The following MRC1 variants were observed in gnomAD, a reference collection of about 807,000 sequenced individuals.
MRC1 encodes macrophage mannose receptor 1.
Under a neutral mutation model 102.9 loss-of-function variants are expected in MRC1, and 62 were observed. The observed-to-expected ratio is 0.60, with a 90% confidence interval of 0.49 to 0.74. The LOEUF is 0.74. Among genes scored for constraint, MRC1 ranks in the 30% least tolerant of loss-of-function variants. The probability of loss-of-function intolerance (pLI) is 0.00; values close to 1 mark genes in which losing one functional copy is unlikely to be tolerated. For synonymous variants in MRC1, 457 were observed against 298.4 expected, an observed-to-expected ratio of 1.53 and a Z score of -5.48; for missense variants, 1,237 against 862.8, an observed-to-expected ratio of 1.43 and a Z score of -5.43.
At chr10:17,836,947 T>G (rs1010936985) in intron 4 of MRC1, among the ~76,000 whole-genome samples, 5 of 152,116 alleles carry the variant, frequency 3.3e-5, no homozygotes, top group African/African-American at 9.7e-5. Flanking sequence ...TTTGAATTTA[T>G]TTGTGGGGTG....
At chr10:17,872,964 T>A (rs1833375505) in intron 15 of MRC1, among the ~76,000 whole-genome samples, 1 of 152,212 alleles carries the variant, frequency 6.6e-6, no homozygotes, top group African/African-American at 2.4e-5. Context: ...TTATTTTCCA[T>A]CCTCCTGCTT....
chr10:17,855,177 T>C (rs1291988051), intron 8 of MRC1, among the ~76,000 whole-genome samples: 1 of 152,118 alleles, frequency 6.6e-6, no homozygotes, highest in African/African-American at 2.4e-5. Flanking sequence ...TGTGGTTTCA[T>C]GATGCTTTCA....
At chr10:17,896,277 T>C (rs1254347827) in intron 23 of MRC1, among the ~76,000 whole-genome samples, 4 of 152,188 alleles carry the variant, frequency 2.6e-5, no homozygotes, top group Non-Finnish European at 4.4e-5. Flanking sequence ...CTGAAAACCA[T>C]CTAAGATACT....
intron 3 of MRC1, among the ~76,000 whole-genome samples, chr10:17,828,312 G>A (rs1381151471): frequency 1.3e-5 from 2 of 151,430 alleles, no homozygotes; most frequent in Non-Finnish European, 2.9e-5. Context: ...TGCTAACCTC[G>A]TGATCCGCCC....
chr10:17,817,138 T>C (rs1365485418), intron 1 of MRC1, among the ~76,000 whole-genome samples: 1 of 150,538 alleles, frequency 6.6e-6, no homozygotes, highest in African/African-American at 2.5e-5. Context: ...TAGTCCCAGC[T>C]CCTGAGGAGG....
At chr10:17,851,924 T>C (rs1260947162) in intron 7 of MRC1, among the ~76,000 whole-genome samples, 1 of 152,238 alleles carries the variant, frequency 6.6e-6, no homozygotes, top group Non-Finnish European at 1.5e-5. Context: ...TACATTGTGA[T>C]GTTTTCCTCA....
At position 17,884,619 on chromosome 10, in the gene MRC1, TA is replaced by T. The variant is rs1374445319; in HGVS notation, c.2981-646del. Among the ~76,000 whole-genome samples the T allele has an allele frequency of 5.3e-5, 8 of 152,288 alleles. No homozygotes were observed. The South Asian group carries it at 1.5e-3, about 28-fold the overall frequency. On this transcript the variant is annotated intron_variant, in intron 21 of 29. Coordinates refer to ENST00000569591, the MANE Select transcript of MRC1 (RefSeq NM_002438.4). ...GAGAGAGAAGTGCAAAGCAAAGCAT[TA>T]AAAGATAAAACCATCAGCTCTTGTA... is the stretch of plus-strand genomic sequence containing the variant.
At chr10:17,893,541 C>G (rs1409657206) in intron 22 of MRC1, among the ~76,000 whole-genome samples, 1 of 152,058 alleles carries the variant, frequency 6.6e-6, no homozygotes, top group Non-Finnish European at 1.5e-5. Context: ...GCATGTGTTT[C>G]TCTTACCTCT....
intron 22 of MRC1, among the ~76,000 whole-genome samples, chr10:17,886,359 T>C (rs1255700253): frequency 1.4e-5 from 2 of 146,832 alleles, no homozygotes; most frequent in Non-Finnish European, 3.0e-5. Flanking sequence ...TCCCTCCCTC[T>C]CCCTCTCCCT....
chr10:17,838,700 G>A lies in MRC1; in HGVS notation c.803-1993G>A, dbSNP rs1007988624. ...ACGCCTTGAGCATGTGAGGCTGGGC[G>A]CAGTGGCTCACGCCTGTAACCCCAG... On this transcript the variant is annotated intron_variant, in intron 4 of 29. Transcript: ENST00000569591. Among the ~76,000 whole-genome samples, 15 of 152,264 alleles carry A rather than the reference G, an allele frequency of 9.9e-5. 1 individual carries two copies. The Middle Eastern group carries it at 0.01, about 104-fold the overall frequency.
At chr10:17,861,772 A>C (rs906206093) in intron 10 of MRC1, among the ~76,000 whole-genome samples, 1 of 152,232 alleles carries the variant, frequency 6.6e-6, no homozygotes, top group Non-Finnish European at 1.5e-5. Context: ...CTAACTTTTT[A>C]ATGATCCATT....
intron 12 of MRC1, among the ~76,000 whole-genome samples, chr10:17,869,262 A>G (rs1833321077): frequency 6.6e-6 from 1 of 152,220 alleles, no homozygotes; most frequent in South Asian, 2.1e-4. Flanking sequence ...TTAAGAAAAT[A>G]AAATCTTATA....
intron 8 of MRC1, among the ~76,000 whole-genome samples, chr10:17,855,954 A>G (rs980417920): frequency 2.6e-5 from 4 of 152,034 alleles, no homozygotes; most frequent in African/African-American, 9.7e-5. Context: ...GGATCGCCTG[A>G]GGTCAGGAGT....
intron 22 of MRC1, among the ~76,000 whole-genome samples, chr10:17,889,764 A>T (rs1833648093): frequency 6.6e-6 from 1 of 152,184 alleles, no homozygotes; most frequent in South Asian, 2.1e-4. Flanking sequence ...CACCAAATAC[A>T]TTGCTGTCCA....
chr10:17,823,686 A>AT (rs1408072572), intron 2 of MRC1, among the ~76,000 whole-genome samples: 6 of 152,168 alleles, frequency 3.9e-5, no homozygotes, highest in African/African-American at 4.8e-5. Flanking sequence ...TACTTCAGCT[A>AT]TTTTTACTTA....
intron 21 of MRC1, among the ~76,000 whole-genome samples, chr10:17,884,017 A>G (rs998692827): frequency 2.0e-5 from 3 of 152,198 alleles, no homozygotes; most frequent in African/African-American, 7.2e-5. Flanking sequence ...CACAGGCTCA[A>G]GTACAGTGGC....
intron 12 of MRC1, among the ~76,000 whole-genome samples, chr10:17,867,515 T>C (rs1474445282): frequency 1.3e-5 from 2 of 151,902 alleles, no homozygotes; most frequent in African/African-American, 4.8e-5. Flanking sequence ...CTCAAACATC[T>C]GGGCTCAAGT....
At chr10:17,907,839 G>A (rs1434935209) in intron 28 of MRC1, 141 bp downstream of exon 28, 13 of 707,910 alleles carry the variant, frequency 1.8e-5, no homozygotes, top group East Asian at 4.9e-5. Context: ...CCATTCTGCC[G>A]TTGTAGTTCA....
intron 5 of MRC1, 141 bp from the exon 6 acceptor site, chr10:17,845,148 T>C: frequency 1.3e-6 from 1 of 779,510 alleles, no homozygotes; most frequent in Non-Finnish European, 2.4e-6. Context: ...AGTCAGTAAA[T>C]ATTTTTTTGT....
Sources: allele counts gnomAD v4.1 joint callset (sites outside exome capture counted in the v4.1 genomes callset), GRCh38; gene constraint gnomAD v4.1.1; transcripts MANE v1.5; gene names NCBI Gene and HGNC (gene_info 2026-07-23, HGNC 2026-07-21).